Variants in RBFOX1 observed in about 807,000 individuals in gnomAD.
RBFOX1 encodes the protein RNA binding protein fox-1 homolog 1.
RBFOX1 carries 8 observed loss-of-function variants against 57.7 expected under a neutral mutation model. That is an observed-to-expected ratio of 0.14 (90% CI 0.08 to 0.25). The LOEUF (loss-of-function observed/expected upper bound fraction) is 0.25. RBFOX1 is among the 10% of genes least tolerant of loss of function. The probability of loss-of-function intolerance (pLI) is 1.00; values close to 1 mark genes in which losing one functional copy is unlikely to be tolerated. For synonymous variants in RBFOX1, 326 were observed against 222.4 expected (o/e 1.47, Z -4.15); for missense variants, 611 against 548.5 (o/e 1.11, Z -1.14).
intron 3 of RBFOX1, among the ~76,000 whole-genome samples, chr16:6,870,756 C>A (rs1300813478): frequency 6.6e-6 from 1 of 152,168 alleles, no homozygotes; most frequent in East Asian, 1.9e-4. Flanking sequence ...CCCACCCCAG[C>A]CCCTCAACAA....
intron 1 of RBFOX1, among the ~76,000 whole-genome samples, chr16:5,362,341 C>T (rs999351498): frequency 2.6e-5 from 4 of 151,948 alleles, no homozygotes; most frequent in South Asian, 2.1e-4. Flanking sequence ...CAGGTGCACG[C>T]CACCACGCCC....
chr16:6,150,190 G>A (rs1473936002), intron 1 of RBFOX1, among the ~76,000 whole-genome samples: 1 of 152,132 alleles, frequency 6.6e-6, no homozygotes, highest in East Asian at 1.9e-4. Flanking sequence ...GAAGCATATC[G>A]TGAGACCAGA....
At chr16:6,484,161 T>C (rs931325638) in intron 2 of RBFOX1, among the ~76,000 whole-genome samples, 1 of 152,178 alleles carries the variant, frequency 6.6e-6, no homozygotes, top group Non-Finnish European at 1.5e-5. Context: ...TAAGAACCGA[T>C]GTAAAAGTCC....
chr16:7,488,560 C>A (rs929453617), intron 4 of RBFOX1, among the ~76,000 whole-genome samples: 1 of 145,112 alleles, frequency 6.9e-6, no homozygotes, highest in Non-Finnish European at 1.5e-5. Flanking sequence ...ATACATCAAT[C>A]CATCATATGT....
chr16:7,058,058 T>A (rs919217463), intron 4 of RBFOX1, among the ~76,000 whole-genome samples: 1 of 151,188 alleles, frequency 6.6e-6, no homozygotes, highest in African/African-American at 2.4e-5. Flanking sequence ...CTGCTATGCT[T>A]TCAAAATGTG....
At chr16:6,984,589 G>A (rs1156637603) in intron 3 of RBFOX1, among the ~76,000 whole-genome samples, 2 of 152,108 alleles carry the variant, frequency 1.3e-5, no homozygotes, top group Non-Finnish European at 2.9e-5. Flanking sequence ...GCATATTTAT[G>A]CTGGACAGAA....
At chr16:7,156,345 C>A (rs2077129843) in intron 4 of RBFOX1, among the ~76,000 whole-genome samples, 2 of 151,442 alleles carry the variant, frequency 1.3e-5, no homozygotes, top group South Asian at 4.1e-4. Flanking sequence ...ATATACATAT[C>A]TGTACATATA....
intron 1 of RBFOX1, among the ~76,000 whole-genome samples, chr16:6,265,490 G>C (rs1048527558): frequency 8.5e-5 from 13 of 152,204 alleles, no homozygotes; most frequent in Admixed American, 7.9e-4. Flanking sequence ...TCAAACTCCT[G>C]ACCTCAAGTG....
chr16:6,643,805 C>G (rs74005608), intron 2 of RBFOX1, among the ~76,000 whole-genome samples: 3,933 of 145,708 alleles, frequency 0.027, 179 homozygotes, highest in African/African-American at 0.094. Flanking sequence ...AACTTATTCT[C>G]AAAATCTGAG....
chr16:5,582,364 G>T (rs376309560), intron 2 of RBFOX1, among the ~76,000 whole-genome samples: 8 of 152,054 alleles, frequency 5.3e-5, no homozygotes, highest in African/African-American at 1.9e-4. Context: ...GACTGGAGCC[G>T]GTGGAAAACA....
intron 2 of RBFOX1, among the ~76,000 whole-genome samples, chr16:5,507,535 A>G (rs2043420281): frequency 2.0e-5 from 3 of 152,184 alleles, no homozygotes; most frequent in Non-Finnish European, 4.4e-5. Context: ...TGAAGACAGC[A>G]TCTGTTGTGG....
At chr16:7,611,985 C>A (rs947712472) in intron 10 of RBFOX1, among the ~76,000 whole-genome samples, 1 of 152,100 alleles carries the variant, frequency 6.6e-6, no homozygotes, top group Non-Finnish European at 1.5e-5. Flanking sequence ...TTGATAATTT[C>A]TTCTAAAATC....
At chr16:6,565,388 G>T (rs1230944684) in intron 2 of RBFOX1, among the ~76,000 whole-genome samples, 4 of 152,000 alleles carry the variant, frequency 2.6e-5, no homozygotes, top group African/African-American at 9.7e-5. Flanking sequence ...CTCCCAAGTA[G>T]CTGGAACTAC....
At chr16:6,290,505 G>A (rs556894050) in intron 1 of RBFOX1, among the ~76,000 whole-genome samples, 20 of 151,646 alleles carry the variant, frequency 1.3e-4, no homozygotes, top group Admixed American at 6.6e-5. Context: ...AAGCAGCAAC[G>A]TAGATTGTCA....
At chr16:6,705,429 C>T (rs1421425722) in intron 3 of RBFOX1, 2 of 152,130 alleles carry the variant, frequency 1.3e-5, no homozygotes, top group Non-Finnish European at 2.9e-5. Context: ...GACATACATA[C>T]ATCCCTGGGT....
chr16:6,754,981 T>G (rs535421681), intron 3 of RBFOX1, among the ~76,000 whole-genome samples: 1 of 152,262 alleles, frequency 6.6e-6, no homozygotes, highest in South Asian at 2.1e-4. Flanking sequence ...TGGGATAGTT[T>G]ACTGAGAATG....
At chr16:6,515,877 C>G (rs1267419965) in intron 2 of RBFOX1, among the ~76,000 whole-genome samples, 1 of 152,324 alleles carries the variant, frequency 6.6e-6, no homozygotes, top group South Asian at 2.1e-4. Context: ...ACACCTAGCT[C>G]AAATGTCAGC....
chr16:6,048,001 AAG>A (rs2095513332), intron 1 of RBFOX1, among the ~76,000 whole-genome samples: 1 of 152,222 alleles, frequency 6.6e-6, no homozygotes, highest in Non-Finnish European at 1.5e-5. Context: ...AGTTATTAAA[AAG>A]AGAGAAGGAA....
Position 5,270,126 on chromosome 16 carries a change from C to G in RBFOX1, c.219+30021C>G, listed in dbSNP as rs565887969. Reference sequence around the variant, plus strand: ...CCTGGCCAAAATGGTGAAACCCTGTCTCTACCAAAAATATAAAATTTAGCC... The same window carrying G: ...CCTGGCCAAAATGGTGAAACCCTGTGTCTACCAAAAATATAAAATTTAGCC... On this transcript the variant is annotated intron_variant, in intron 1 of 2. Transcript: ENST00000585867. 4.3e-4 allele frequency: 114 copies of G among 267,798 alleles called. 1 individual carries two copies. The highest frequency in any genetic ancestry group is 2.3e-3 in the African/African-American group (102 of 44,354). The allele number at this position is 267,798 out of a possible 1,614,324, so 16.6% of individuals were successfully genotyped here. A position where few individuals can be genotyped will look rare whatever the true frequency, so the allele number is the denominator to read the frequency against.
Sources: allele counts gnomAD v4.1 joint callset (sites outside exome capture counted in the v4.1 genomes callset), GRCh38; gene constraint gnomAD v4.1.1; transcripts MANE v1.5; gene names NCBI Gene and HGNC (gene_info 2026-07-23, HGNC 2026-07-21).